SLC9A9: variants seen among roughly 807,000 people sequenced by gnomAD.
The protein encoded by SLC9A9 is solute carrier family 9 member A9.
Under a neutral mutation model 77.8 loss-of-function variants are expected in SLC9A9, and 62 were observed. The observed-to-expected ratio is 0.80, with a 90% CI of 0.65 to 0.98. SLC9A9 has a LOEUF of 0.98. Among genes scored for constraint, SLC9A9 ranks in the 50% least tolerant of loss-of-function variants. SLC9A9 has a pLI of 0.00. For missense variants in SLC9A9, 775 were observed against 774.9 expected (o/e 1.00, Z 0.00); for synonymous variants, 320 against 283.5 (o/e 1.13, Z -1.29).
intron 4 of SLC9A9, among the ~76,000 whole-genome samples, chr3:143,710,917 T>C (rs1934126292): frequency 1.3e-5 from 2 of 152,218 alleles, no homozygotes; most frequent in Admixed American, 1.3e-4. Context: ...AATGCAACTC[T>C]CTGGATTTTC....
At chr3:143,737,980 T>C (rs555290746) in intron 4 of SLC9A9, among the ~76,000 whole-genome samples, 11 of 152,360 alleles carry the variant, frequency 7.2e-5, no homozygotes, top group African/African-American at 1.2e-4. Context: ...GAATGTATGA[T>C]GGATTTTTAA....
chr3:143,306,479 T>C (rs923024997), intron 14 of SLC9A9, among the ~76,000 whole-genome samples: 2 of 152,246 alleles, frequency 1.3e-5, no homozygotes, highest in Non-Finnish European at 2.9e-5. Context: ...GTGCCTGGCA[T>C]GTAGTAAGCA....
chr3:143,680,188 T>C (rs997361524), intron 5 of SLC9A9, among the ~76,000 whole-genome samples: 2 of 152,254 alleles, frequency 1.3e-5, no homozygotes, highest in South Asian at 4.1e-4. Context: ...TACTTTTATG[T>C]CTAAACAAAT....
intron 9 of SLC9A9, among the ~76,000 whole-genome samples, chr3:143,511,614 C>A (rs187904955): frequency 2.2e-4 from 33 of 152,288 alleles, no homozygotes; most frequent in African/African-American, 7.7e-4. Flanking sequence ...AGAGGCAGAC[C>A]ACTTGTGCAG....
intron 8 of SLC9A9, among the ~76,000 whole-genome samples, chr3:143,563,290 C>T (rs2037117230): frequency 6.6e-6 from 1 of 152,156 alleles, no homozygotes; most frequent in Non-Finnish European, 1.5e-5. Flanking sequence ...TTTTGTTTAA[C>T]ACAGTACCAT....
intron 12 of SLC9A9, among the ~76,000 whole-genome samples, chr3:143,408,737 T>G (rs1456833131): frequency 6.6e-6 from 1 of 152,198 alleles, no homozygotes; most frequent in Non-Finnish European, 1.5e-5. Context: ...ATGAGTATCA[T>G]AACAAGCAAG....
At chr3:143,545,549 T>G (rs1331438890) in intron 9 of SLC9A9, among the ~76,000 whole-genome samples, 1 of 152,208 alleles carries the variant, frequency 6.6e-6, no homozygotes, top group African/African-American at 2.4e-5. Context: ...TTAGTCCATA[T>G]TTGAATTCAA....
At chr3:143,774,883 G>A (rs752233021) in intron 4 of SLC9A9, among the ~76,000 whole-genome samples, 25 of 152,190 alleles carry the variant, frequency 1.6e-4, no homozygotes, top group Non-Finnish European at 2.4e-4. Flanking sequence ...TCAACTGCTC[G>A]GTTGCCTCCT....
intron 6 of SLC9A9, among the ~76,000 whole-genome samples, chr3:143,638,864 C>T (rs2038573435): frequency 6.6e-6 from 1 of 152,188 alleles, no homozygotes; most frequent in Non-Finnish European, 1.5e-5. Context: ...TGGCAATAAG[C>T]CTGTCTTGTA....
At chr3:143,690,973 T>C (rs1933443862) in intron 5 of SLC9A9, among the ~76,000 whole-genome samples, 1 of 152,072 alleles carries the variant, frequency 6.6e-6, no homozygotes. Flanking sequence ...CATCAATGGG[T>C]ACTAAAGCCA....
chr3:143,664,228 C>T (rs376472614), intron 5 of SLC9A9, among the ~76,000 whole-genome samples: 1 of 152,132 alleles, frequency 6.6e-6, no homozygotes, highest in African/African-American at 2.4e-5. Context: ...TCCAGCCACA[C>T]CAAGCTTCAT....
intron 2 of SLC9A9, among the ~76,000 whole-genome samples, chr3:143,814,706 C>T (rs560303433): frequency 2.0e-5 from 3 of 152,256 alleles, no homozygotes; most frequent in African/African-American, 7.2e-5. Context: ...TGTAAGAAGG[C>T]AAACCCCAAA....
chr3:143,321,361 C>G (rs6765630), intron 14 of SLC9A9, among the ~76,000 whole-genome samples: 24,901 of 152,066 alleles, frequency 0.16, 3,938 homozygotes, highest in African/African-American at 0.41. Flanking sequence ...TAGGAAGGGA[C>G]GGAAATAGGT....
At chr3:143,514,021 G>C (rs1265311494) in intron 9 of SLC9A9, among the ~76,000 whole-genome samples, 1 of 151,980 alleles carries the variant, frequency 6.6e-6, no homozygotes, top group Non-Finnish European at 1.5e-5. Flanking sequence ...ACAGGCCTCG[G>C]TGTGTGATGT....
chr3:143,570,747 T>C (rs2037243188), intron 8 of SLC9A9, among the ~76,000 whole-genome samples: 1 of 152,116 alleles, frequency 6.6e-6, no homozygotes, highest in Admixed American at 6.6e-5. Context: ...GATATATGCA[T>C]GCACGAGTAT....
Position 143,641,385 on chromosome 3 carries a change from C to CTTTTTTTTTTTTT in SLC9A9, c.755+10857_755+10869dup, listed in dbSNP as rs529425639. ...AAAAAGAATTATCTGTTGTCACAGT[C>CTTTTTTTTTTTTT]TTTTTTTTTTTTTTTTTTTTTTTTG... is the stretch of plus-strand genomic sequence containing the variant. On this transcript the variant is annotated intron_variant, in intron 6 of 15. Coordinates refer to ENST00000316549, the MANE Select transcript of SLC9A9 (RefSeq NM_173653.4). Among the ~76,000 whole-genome samples the CTTTTTTTTTTTTT allele has an allele frequency of 1.4e-4, 11 of 78,822 alleles. 1 individual carries two copies. The highest frequency in any genetic ancestry group is 2.1e-4 in the Non-Finnish European group (9 of 42,116). 51.7% of individuals were successfully genotyped at this position (78,822 alleles called of 152,430 possible). A position where few individuals can be genotyped will look rare whatever the true frequency, so the allele number is the denominator to read the frequency against.
In SLC9A9 at chr3:143,652,231, C is replaced by T. The variant is rs200846122; in HGVS notation, c.755+24G>A. The T allele has an allele frequency of 3.1e-5, 49 of 1,572,814 alleles. No individual in the cohort carries two copies. In the African/African-American group the frequency reaches 5.5e-4, roughly 18 times the overall value. ...AGCATATTTCACATGATTAAAGAAA[C>T]ATAGGCCAAGTTCTGGTACTTACTA... On this transcript the variant is annotated intron_variant, in intron 6 of 15. Transcript: ENST00000316549.
chr3:143,549,820 A>G (rs2036849274), intron 9 of SLC9A9, among the ~76,000 whole-genome samples: 1 of 149,304 alleles, frequency 6.7e-6, no homozygotes, highest in Non-Finnish European at 1.5e-5. Flanking sequence ...AGCTTCCCAG[A>G]ATACAAATAT....
intron 9 of SLC9A9, among the ~76,000 whole-genome samples, chr3:143,534,498 C>T (rs971617250): frequency 6.6e-6 from 1 of 152,208 alleles, no homozygotes; most frequent in Non-Finnish European, 1.5e-5. Context: ...GGAACTGCTA[C>T]TCTCCAGGGT....
Sources: allele counts gnomAD v4.1 joint callset (sites outside exome capture counted in the v4.1 genomes callset), GRCh38; gene constraint gnomAD v4.1.1; transcripts MANE v1.5; gene names NCBI Gene and HGNC (gene_info 2026-07-23, HGNC 2026-07-21).